The following ZRANB3 variants were observed in gnomAD, a reference collection of about 807,000 sequenced individuals.
ZRANB3 encodes the protein zinc finger RANBP2-type containing 3.
In ZRANB3, 125 loss-of-function variants were observed where a neutral mutation model predicts 133.8. The ratio of observed to expected loss-of-function variants is 0.93; its 90% confidence interval spans 0.81 to 1.08. The LOEUF (loss-of-function observed/expected upper bound fraction) is 1.08. Among genes scored for constraint, ZRANB3 ranks in the 50% least tolerant of loss-of-function variants. The pLI is 0.00. For missense variants in ZRANB3, 1,229 were observed against 1,275.5 expected (o/e 0.96, Z 0.56); for synonymous variants, 387 against 432.7 (o/e 0.89, Z 1.31).
chr2:135,382,279 G>C (rs1558957801), intron 3 of ZRANB3, among the ~76,000 whole-genome samples: 1 of 152,146 alleles, frequency 6.6e-6, no homozygotes, highest in Non-Finnish European at 1.5e-5. Flanking sequence ...GAAGCGAGAA[G>C]AGAAGTTTAG....
At chr2:135,286,758 GATT>G (rs1244546348) in intron 8 of ZRANB3, among the ~76,000 whole-genome samples, 3 of 151,938 alleles carry the variant, frequency 2.0e-5, no homozygotes, top group Admixed American at 6.6e-5. Context: ...TTTTTGATGG[GATT>G]ATTATTATTA....
chr2:135,224,385 C>G (rs768260524), intron 15 of ZRANB3, 41 bp downstream of exon 15: 1 of 1,495,116 alleles, frequency 6.7e-7, no homozygotes, highest in South Asian at 1.3e-5. Flanking sequence ...AAAAGGAAGT[C>G]TTTTTTATGT....
Position 135,235,080 on chromosome 2 carries a change from C to T in ZRANB3, c.1540-4153G>A, listed in dbSNP as rs1195383538. On this transcript the variant is annotated intron_variant, in intron 12 of 20. Coordinates refer to ENST00000264159, the MANE Select transcript of ZRANB3 (RefSeq NM_032143.4). The stretch of plus-strand genomic sequence containing the variant: ...GAAGAAAAGAGAAGAATCAAATAGA[C>T]GCAATAAAAAATGATAAAGGGGATA... Among the ~76,000 whole-genome samples the T allele has an allele frequency of 1.4e-4, 21 of 151,730 alleles. No individual in the cohort carries two copies. In the East Asian group the frequency reaches 1.7e-3, roughly 13 times the overall value.
intron 8 of ZRANB3, among the ~76,000 whole-genome samples, chr2:135,279,123 T>C (rs1680979409): frequency 1.3e-5 from 2 of 152,134 alleles, no homozygotes; most frequent in South Asian, 4.1e-4. Flanking sequence ...TTGTTGCCTT[T>C]GAGAAATAAG....
At chr2:135,323,965 C>T (rs1301577288) in intron 6 of ZRANB3, among the ~76,000 whole-genome samples, 3 of 152,042 alleles carry the variant, frequency 2.0e-5, no homozygotes, top group East Asian at 1.9e-4. Context: ...GATGGGGTTT[C>T]GCCATGTTGG....
In ZRANB3 at chr2:135,245,926, CAAAA is replaced by C. The variant is rs1177438717; in HGVS notation, c.1540-15003_1540-15000del. Among the ~76,000 whole-genome samples, 24 of 19,550 alleles carry C rather than the reference CAAAA, an allele frequency of 1.2e-3. No homozygotes were observed. In the East Asian group the frequency reaches 0.038, roughly 31 times the overall value. The allele number at this position is 19,550 out of a possible 152,430, so 12.8% of individuals were successfully genotyped here. On this transcript the variant is annotated intron_variant, in intron 12 of 20. Coordinates refer to ENST00000264159, the MANE Select transcript of ZRANB3 (RefSeq NM_032143.4). Reference sequence around the variant, plus strand: ...GGGCAACGAGATTGAAACTCCGTCTCAAAAAAAAAAAAAAAAAAAAAAGAGACAG... The same window carrying C: ...GGGCAACGAGATTGAAACTCCGTCTCAAAAAAAAAAAAAAAAAAGAGACAG...
chr2:135,509,844 G>A (rs1693362883), intron 1 of ZRANB3, among the ~76,000 whole-genome samples: 3 of 152,082 alleles, frequency 2.0e-5, no homozygotes, highest in Middle Eastern at 3.4e-3. Flanking sequence ...AAACATACCA[G>A]CAAGAATCAA....
intron 12 of ZRANB3, among the ~76,000 whole-genome samples, chr2:135,261,731 C>T (rs1426350815): frequency 6.6e-6 from 1 of 152,068 alleles, no homozygotes; most frequent in Non-Finnish European, 1.5e-5. Context: ...TAGAAATGAA[C>T]TTGTAAACAC....
At chr2:135,217,651 A>AT in intron 16 of ZRANB3, 44 bp from the exon 17 acceptor site, 1 of 1,588,624 alleles carries the variant, frequency 6.3e-7, no homozygotes, top group South Asian at 1.2e-5. Context: ...TCACAGGCAG[A>AT]TATCTTCCTT....
chr2:135,367,207 A>G (rs1477492692), intron 3 of ZRANB3, among the ~76,000 whole-genome samples: 1 of 152,152 alleles, frequency 6.6e-6, no homozygotes, highest in Non-Finnish European at 1.5e-5. Context: ...GGTGGCCCAT[A>G]GTGTGATCTC....
At chr2:135,383,037 C>T (rs1364513894) in intron 3 of ZRANB3, among the ~76,000 whole-genome samples, 1 of 152,090 alleles carries the variant, frequency 6.6e-6, no homozygotes, top group African/African-American at 2.4e-5. Flanking sequence ...TTAAAAGACA[C>T]AGACAAACTG....
chr2:135,499,323 A>G (rs1692831551), intron 2 of ZRANB3, among the ~76,000 whole-genome samples: 1 of 152,238 alleles, frequency 6.6e-6, no homozygotes, highest in African/African-American at 2.4e-5. Flanking sequence ...CCATAGAATG[A>G]ATGCGGATAA....
At chr2:135,430,635 C>T (rs1689281118) in intron 2 of ZRANB3, among the ~76,000 whole-genome samples, 1 of 152,028 alleles carries the variant, frequency 6.6e-6, no homozygotes, top group Admixed American at 6.6e-5. Flanking sequence ...GTAGAGTTTT[C>T]TCAATATAAG....
chr2:135,274,294 T>C (rs1191590709), intron 9 of ZRANB3, among the ~76,000 whole-genome samples: 2 of 152,216 alleles, frequency 1.3e-5, no homozygotes, highest in Non-Finnish European at 2.9e-5. Context: ...CATGGCTTGA[T>C]GGAGCTAACC....
At chr2:135,474,227 T>C (rs1691402852) in intron 2 of ZRANB3, among the ~76,000 whole-genome samples, 1 of 151,812 alleles carries the variant, frequency 6.6e-6, no homozygotes, top group Non-Finnish European at 1.5e-5. Flanking sequence ...AAAAGACTAA[T>C]CTAGAATGCT....
intron 11 of ZRANB3, among the ~76,000 whole-genome samples, chr2:135,268,064 T>C (rs183984545): frequency 2.0e-5 from 3 of 152,318 alleles, no homozygotes; most frequent in Admixed American, 6.5e-5. Flanking sequence ...TCCAGAAGTA[T>C]GAGAAATAAA....
chr2:135,470,162 TAAAAATAC>T (rs1691192535), intron 2 of ZRANB3, among the ~76,000 whole-genome samples: 1 of 147,768 alleles, frequency 6.8e-6, no homozygotes, highest in Non-Finnish European at 1.5e-5. Context: ...CCATCTCTAC[TAAAAATAC>T]AAAAATTAGC....
chr2:135,313,749 A>AT (rs1301086159), intron 7 of ZRANB3, 144 bp from the exon 8 acceptor site: 2 of 518,594 alleles, frequency 3.9e-6, no homozygotes, highest in East Asian at 6.2e-5. Flanking sequence ...CAACATGTTC[A>AT]TTTAAAAACA....
Position 135,202,964 on chromosome 2 carries a change from C to G in ZRANB3, c.3010-1G>C, listed in dbSNP as rs775463343. On this transcript the variant is annotated splice_acceptor_variant, in intron 19 of 20. Transcript: ENST00000264159. LOFTEE classifies it high-confidence loss of function. ...CTGGGTTTCTTATCATTTCATTTAG[C>G]TGCAATAAGAATACAAGATCAGCAA... The G allele has an allele frequency of 3.7e-6, 6 of 1,611,296 alleles. No homozygotes were observed.
Sources: allele counts gnomAD v4.1 joint callset (sites outside exome capture counted in the v4.1 genomes callset), GRCh38; gene constraint gnomAD v4.1.1; transcripts MANE v1.5; gene names NCBI Gene and HGNC (gene_info 2026-07-23, HGNC 2026-07-21).